The following TAFA2 variants were observed in gnomAD, a reference collection of about 807,000 sequenced individuals.
The protein encoded by TAFA2 is TAFA chemokine like family member 2.
Under a neutral mutation model 18.8 loss-of-function variants are expected in TAFA2, and 7 were observed. The ratio of observed to expected loss-of-function variants is 0.37; its 90% CI spans 0.21 to 0.70. The LOEUF (loss-of-function observed/expected upper bound fraction) is 0.70. TAFA2 is among the 30% of genes least tolerant of loss of function. TAFA2 has a pLI of 0.53. For synonymous variants in TAFA2, 60 were observed against 54.2 expected (o/e 1.11, Z -0.47); for missense variants, 122 against 158.1 (o/e 0.77, Z 1.23).
intron 1 of TAFA2, among the ~76,000 whole-genome samples, chr12:62,059,823 A>G (rs1882297492): frequency 6.6e-6 from 1 of 151,898 alleles, no homozygotes; most frequent in South Asian, 2.1e-4. Context: ...TGTTCTATTC[A>G]TTTTTCAATT....
intron 1 of TAFA2, among the ~76,000 whole-genome samples, chr12:62,225,250 T>C (rs191848080): frequency 6.6e-6 from 1 of 152,324 alleles, no homozygotes; most frequent in East Asian, 1.9e-4. Flanking sequence ...AGAATTTAGT[T>C]GCTTCAAGTC....
At chr12:61,992,195 T>C (rs988273887) in intron 1 of TAFA2, among the ~76,000 whole-genome samples, 10 of 152,214 alleles carry the variant, frequency 6.6e-5, no homozygotes, top group African/African-American at 2.4e-4. Flanking sequence ...TACTAGTATT[T>C]GGTTCCATTT....
intron 1 of TAFA2, among the ~76,000 whole-genome samples, chr12:62,004,741 C>G (rs1373129455): frequency 6.6e-6 from 1 of 151,982 alleles, no homozygotes; most frequent in Non-Finnish European, 1.5e-5. Context: ...ATATTCATTG[C>G]AGCATTATTC....
At chr12:61,767,918 C>T (rs1324828087) in intron 2 of TAFA2, among the ~76,000 whole-genome samples, 4 of 151,946 alleles carry the variant, frequency 2.6e-5, no homozygotes, top group Non-Finnish European at 4.4e-5. Flanking sequence ...CTGAAAATGT[C>T]CTCTTAAAAA....
At chr12:62,000,811 A>C (rs922794863) in intron 1 of TAFA2, among the ~76,000 whole-genome samples, 1 of 152,244 alleles carries the variant, frequency 6.6e-6, no homozygotes, top group Non-Finnish European at 1.5e-5. Context: ...AAAAGAAATA[A>C]GGTTCAAATA....
intron 1 of TAFA2, among the ~76,000 whole-genome samples, chr12:61,881,546 C>T (rs1284225130): frequency 2.0e-5 from 3 of 152,108 alleles, no homozygotes; most frequent in African/African-American, 7.2e-5. Flanking sequence ...TATGACTGTA[C>T]AGAAAAAACT....
chr12:62,136,659 C>T (rs540073446), intron 1 of TAFA2, among the ~76,000 whole-genome samples: 1 of 152,242 alleles, frequency 6.6e-6, no homozygotes. Context: ...GAACCAAAGA[C>T]AGAAGATATT....
At chr12:61,787,145 A>C (rs1414073015) in intron 2 of TAFA2, among the ~76,000 whole-genome samples, 1 of 151,420 alleles carries the variant, frequency 6.6e-6, no homozygotes, top group Non-Finnish European at 1.5e-5. Flanking sequence ...TCAGGAGAAA[A>C]TGGGATGACA....
At chr12:61,777,184 G>A (rs1025221178) in intron 2 of TAFA2, among the ~76,000 whole-genome samples, 8 of 151,860 alleles carry the variant, frequency 5.3e-5, no homozygotes, top group Non-Finnish European at 1.0e-4. Flanking sequence ...GCAGCCTTCT[G>A]GGGGGAAGCA....
intron 1 of TAFA2, among the ~76,000 whole-genome samples, chr12:62,159,313 T>C (rs1286207890): frequency 6.6e-6 from 1 of 152,174 alleles, no homozygotes; most frequent in Non-Finnish European, 1.5e-5. Flanking sequence ...TTCAGTGTAA[T>C]GGCCATTAAT....
At chr12:62,013,247 T>C (rs546130151) in intron 1 of TAFA2, among the ~76,000 whole-genome samples, 1 of 152,316 alleles carries the variant, frequency 6.6e-6, no homozygotes, top group African/African-American at 2.4e-5. Flanking sequence ...AGCTTACAAA[T>C]TTGTGGTATT....
intron 1 of TAFA2, among the ~76,000 whole-genome samples, chr12:62,228,181 T>G (rs2062796171): frequency 6.6e-6 from 1 of 152,182 alleles, no homozygotes; most frequent in South Asian, 2.1e-4. Flanking sequence ...CCTTTCCCTC[T>G]TCCTCCCTCC....
intron 1 of TAFA2, among the ~76,000 whole-genome samples, chr12:61,893,647 G>C (rs529721758): frequency 6.6e-6 from 1 of 152,274 alleles, no homozygotes; most frequent in Admixed American, 6.5e-5. Context: ...GTGAATATGA[G>C]TCTGTTGGTT....
intron 1 of TAFA2, among the ~76,000 whole-genome samples, chr12:62,002,915 C>A (rs11837361): frequency 6.6e-6 from 1 of 151,992 alleles, no homozygotes; most frequent in East Asian, 1.9e-4. Flanking sequence ...TGCTTAAACC[C>A]CACAAGTTCT....
chr12:62,248,382 C>T (rs1190898464), intron 1 of TAFA2, among the ~76,000 whole-genome samples: 3 of 152,300 alleles, frequency 2.0e-5, no homozygotes, highest in Middle Eastern at 3.4e-3. Flanking sequence ...ATACATACAA[C>T]GCATGTGTTA....
chr12:61,833,081 T>C (rs1872779812), intron 2 of TAFA2, among the ~76,000 whole-genome samples: 1 of 147,186 alleles, frequency 6.8e-6, no homozygotes, highest in Non-Finnish European at 1.5e-5. Flanking sequence ...TATATAAATA[T>C]ATATATATTA....
chr12:61,864,329 A>T (rs187737784), intron 2 of TAFA2, among the ~76,000 whole-genome samples: 2 of 150,314 alleles, frequency 1.3e-5, no homozygotes, highest in African/African-American at 4.9e-5. Context: ...TCAGATAGAA[A>T]TATATAGAAA....
intron 1 of TAFA2, among the ~76,000 whole-genome samples, chr12:61,907,649 GA>G (rs1252470550): frequency 6.6e-6 from 1 of 152,118 alleles, no homozygotes; most frequent in Admixed American, 6.5e-5. Flanking sequence ...TCTGTGAGAA[GA>G]GGGCCACCAT....
intron 2 of TAFA2, among the ~76,000 whole-genome samples, chr12:61,843,964 A>G (rs1324397198): frequency 6.6e-6 from 1 of 152,150 alleles, no homozygotes; most frequent in South Asian, 2.1e-4. Context: ...GGTTACTTGG[A>G]AAGAGAAAAT....
Sources: gnomAD v4.1 joint callset for allele counts (sites outside exome capture counted in the v4.1 genomes callset) on GRCh38, gnomAD v4.1.1 for gene constraint, MANE v1.5 for transcripts, NCBI Gene and HGNC (gene_info 2026-07-23, HGNC 2026-07-21) for gene names.